The following EXOC7 variants were observed in gnomAD, a reference collection of about 807,000 sequenced individuals.
EXOC7 encodes exocyst complex component Exo70.
In EXOC7, 51 loss-of-function variants were observed where a neutral mutation model predicts 87.6. That is an observed-to-expected ratio of 0.58 (90% confidence interval 0.46 to 0.73). The LOEUF (loss-of-function observed/expected upper bound fraction) is 0.73. Ranked by LOEUF, EXOC7 falls within the 30% of genes least tolerant of loss-of-function variation. The probability of loss-of-function intolerance (pLI) is 0.00; values close to 1 mark genes in which losing one functional copy is unlikely to be tolerated. For synonymous variants in EXOC7, 327 were observed against 357.1 expected (o/e 0.92, Z 0.95); for missense variants, 744 against 888.4 (o/e 0.84, Z 2.07).
intron 15 of EXOC7, 193 bp from the exon 16 acceptor site, chr17:76,084,773 T>C (rs2067135929): frequency 1.7e-6 from 1 of 599,552 alleles, no homozygotes; most frequent in Non-Finnish European, 3.0e-6. Context: ...GAGATAACAT[T>C]AGGAAACACT....
chr17:76,086,059 T>C lies in EXOC7; in HGVS notation c.1495+21A>G, dbSNP rs774153853. 3.1e-6 allele frequency: 5 copies of C among 1,612,444 alleles called. No individual in the cohort carries two copies. The South Asian group carries it at 4.4e-5, about 14-fold the overall frequency. On this transcript the variant is annotated intron_variant, in intron 13 of 18. Transcript: ENST00000589210. ...GGCATGCAGGCAGCAGGGCTGCTGGTCTGCCCGGGAGAACACTCACAGATA... is the reference window on the plus strand; with the variant it reads ...GGCATGCAGGCAGCAGGGCTGCTGGCCTGCCCGGGAGAACACTCACAGATA...
chr17:76,101,247 C>A, intron 4 of EXOC7, 24 bp downstream of exon 4: 2 of 1,614,106 alleles, frequency 1.2e-6, no homozygotes, highest in Non-Finnish European at 1.7e-6. Flanking sequence ...CCAAGCTTCT[C>A]ACGTTATTCT....
intron 5 of EXOC7, among the ~76,000 whole-genome samples, chr17:76,095,742 C>T (rs936801359): frequency 6.6e-6 from 1 of 152,176 alleles, no homozygotes; most frequent in Non-Finnish European, 1.5e-5. Context: ...AAGAAGGTTA[C>T]AAGTATCTTC....
chr17:76,097,936 G>A lies in EXOC7; in HGVS notation c.500C>T (p.Pro167Leu), dbSNP rs1378417950. 1.5e-5 allele frequency: 24 copies of A among 1,614,016 alleles called. No individual in the cohort carries two copies. The highest frequency in any genetic ancestry group is 1.9e-5 in the Non-Finnish European group (22 of 1,180,014). Residue 167 changes from proline to leucine, a missense_variant, in exon 5 of 19, where the codon CCC becomes CTC. Coordinates refer to ENST00000589210, the MANE Select transcript of EXOC7 (RefSeq NM_001013839.4). ...LMTRHSKVVS[P>L]VLILDLISGD... ...ACTGATCAGATCCAAGATGAGCACG[G>A]GCGAGACGACCTTACTGTGCCGCGT...
Position 76,091,195 on chromosome 17 carries a change from G to A in EXOC7, c.849C>T (p.Ser283=), listed in dbSNP as rs758695174. The A allele has an allele frequency of 3.7e-6, 6 of 1,614,156 alleles. No individual in the cohort carries two copies. The South Asian group carries it at 5.5e-5, about 15-fold the overall frequency. ...CCTTTTTCCCATCTAGACCATGCTG[G>A]GAATACTGTTTCAGAAGGTTCTGAG... ...RKAQNLLKQY[S]QHGLDGKKGG... The change falls in exon 7 of 19, where the codon TCC becomes TCT. Residue 283 remains serine (S), a synonymous_variant. Coordinates refer to ENST00000589210, the MANE Select transcript of EXOC7 (RefSeq NM_001013839.4).
chr17:76,090,324 C>CTCA, intron 7 of EXOC7: 2 of 1,550,834 alleles, frequency 1.3e-6, no homozygotes, highest in South Asian at 2.4e-5. Flanking sequence ...GGCTGCGGTA[C>CTCA]TCACCGGCCA....
At chr17:76,085,886 C>T (rs1465648000) in intron 13 of EXOC7, 89 bp from the exon 14 acceptor site, 36 of 1,547,772 alleles carry the variant, frequency 2.3e-5, no homozygotes, top group South Asian at 1.1e-4. Flanking sequence ...TCCTATCCAT[C>T]GCTCCTCGTC....
At chr17:76,098,064 C>T in intron 4 of EXOC7, 46 bp from the exon 5 acceptor site, 3 of 1,552,870 alleles carry the variant, frequency 1.9e-6, no homozygotes, top group Non-Finnish European at 2.7e-6. Flanking sequence ...CTTCAGTGTT[C>T]TGCCAGTCCT....
At chr17:76,091,315 C>T in intron 6 of EXOC7, 80 bp from the exon 7 acceptor site, 4 of 1,161,102 alleles carry the variant, frequency 3.4e-6, no homozygotes, top group Non-Finnish European at 5.1e-6. Flanking sequence ...CCTCCACCTG[C>T]CCCCCAGGCC....
chr17:76,091,515 CAGG>C (rs143404477), intron 6 of EXOC7: 16,353 of 389,898 alleles, frequency 0.042, 449 homozygotes, highest in Non-Finnish European at 0.049. Context: ...CAAGATCCAC[CAGG>C]AGAAGTCAAA....
At chr17:76,103,532 C>T in intron 1 of EXOC7, 101 bp downstream of exon 1, 4 of 1,561,656 alleles carry the variant, frequency 2.6e-6, no homozygotes, top group South Asian at 1.2e-5. Flanking sequence ...TCGCTGGGTG[C>T]GCTCCCTCCC....
At chr17:76,090,921 C>T in intron 7 of EXOC7, 1 of 591,668 alleles carries the variant, frequency 1.7e-6, no homozygotes, top group Non-Finnish European at 3.0e-6. Context: ...GGAGGGAAGC[C>T]TCAGGGAGGG....
chr17:76,100,229 G>A (rs1423579630), intron 4 of EXOC7, among the ~76,000 whole-genome samples: 1 of 152,126 alleles, frequency 6.6e-6, no homozygotes, highest in African/African-American at 2.4e-5. Flanking sequence ...GTGTTTGATG[G>A]GAGTGGAGTT....
At position 76,084,585 on chromosome 17, in the gene EXOC7, C is replaced by G. The variant is rs769745002; in HGVS notation, c.1713-5G>C. On this transcript the variant is annotated splice_region_variant and splice_polypyrimidine_tract_variant and intron_variant, in intron 15 of 18. Coordinates refer to ENST00000589210, the MANE Select transcript of EXOC7 (RefSeq NM_001013839.4). ...TAATCAGTCACCTTTAACCAGCTGCCAGACAGAAAGAGAAGCATGAGGGCA... is the reference window on the plus strand; with the variant it reads ...TAATCAGTCACCTTTAACCAGCTGCGAGACAGAAAGAGAAGCATGAGGGCA... 9.3e-6 allele frequency: 15 copies of G among 1,612,312 alleles called. No homozygotes were observed. Among genetic ancestry groups the G allele is most frequent in the Non-Finnish European group, 1.3e-5 (15 of 1,178,622 alleles).
At chr17:76,085,551 G>A in intron 14 of EXOC7, 126 bp downstream of exon 14, 2 of 1,537,764 alleles carry the variant, frequency 1.3e-6, no homozygotes, top group South Asian at 1.1e-5. Context: ...TCCTGGGGTG[G>A]AGGAGACTGA....
chr17:76,088,813 T>C lies in EXOC7; in HGVS notation c.1158A>G (p.Arg386=), dbSNP rs141675042. 6.2e-7 allele frequency: 1 copy of C among 1,613,864 alleles called. No homozygotes were observed. Among genetic ancestry groups the C allele is most frequent in the Non-Finnish European group, 8.5e-7 (1 of 1,180,036 alleles). Residue 386 remains arginine, a synonymous_variant, in exon 9 of 19, where the codon CGA becomes CGG. Coordinates refer to ENST00000589210, the MANE Select transcript of EXOC7 (RefSeq NM_001013839.4). The part of the protein sequence containing the change: ...STVLTVFPIL[R]HLKQTKPEFD... ...ACTCAGGCTTGGTCTGCTTGAGGTG[T>C]CGCAGGATGGGGAAGACGGTGAGCA...
At chr17:76,087,908 T>C in intron 11 of EXOC7, 152 bp downstream of exon 11, 1 of 966,322 alleles carries the variant, frequency 1.0e-6, no homozygotes, top group Middle Eastern at 2.8e-4. Flanking sequence ...ACTAAACATG[T>C]CACTGTCCAT....
rs763875110 is a variant in EXOC7 at position 76,097,933 on chromosome 17, A to C, written c.503T>G (p.Val168Gly). Residue 168 changes from valine (V) to glycine (G), a missense_variant, in exon 5 of 19, where the codon GTG becomes GGG. Around this residue, in one of 3 missense-constraint regions of EXOC7, gnomAD observed 512 missense variants for 573.0 expected, o/e 0.89. Coordinates refer to ENST00000589210, the MANE Select transcript of EXOC7 (RefSeq NM_001013839.4). ...MTRHSKVVSP[V>G]LILDLISGDD... ...ACCACTGATCAGATCCAAGATGAGC[A>C]CGGGCGAGACGACCTTACTGTGCCG... 6.2e-7 allele frequency: 1 copy of C among 1,614,030 alleles called. No individual in the cohort carries two copies. The highest frequency in any genetic ancestry group is 1.1e-5 in the South Asian group (1 of 91,074).
Position 76,083,655 on chromosome 17 carries a change from G to A in EXOC7, c.2048C>T (p.Ser683Phe). Residue 683 changes from serine to phenylalanine, a missense_variant, in exon 19 of 19, where the codon TCT becomes TTT. Physicochemically the swap from Ser to Phe is radical, Grantham distance 155. Transcript: ENST00000589210. ...GDMIDRLFDTSA is the reference protein window; with the variant it reads ...GDMIDRLFDTFA ...GCAGGGCTAGCAGCAGGCTCAGGCA[G>A]AGGTGTCGAAAAGGCGATCGATCAT... 1 of 1,613,854 alleles carries A rather than the reference G, an allele frequency of 6.2e-7. No homozygotes were observed. The highest frequency in any genetic ancestry group is 8.5e-7 in the Non-Finnish European group (1 of 1,179,916).
Sources: gnomAD v4.1 joint callset for allele counts (sites outside exome capture counted in the v4.1 genomes callset) on GRCh38, gnomAD v4.1.1 for gene constraint, gnomAD v4.1.1 regional missense constraint, MANE v1.5 for transcripts, NCBI Gene and HGNC (gene_info 2026-07-23, HGNC 2026-07-21) for gene names.